Variants in LIFR observed in about 807,000 individuals in gnomAD.
LIFR encodes LIF receptor subunit alpha, also known as leukemia inhibitory factor receptor.
Under a neutral mutation model 122.2 loss-of-function variants are expected in LIFR, and 84 were observed. That is an observed-to-expected ratio of 0.69 (90% CI 0.58 to 0.82). The LOEUF is 0.82. Ranked by LOEUF, LIFR falls within the 40% of genes least tolerant of loss-of-function variation. The probability of loss-of-function intolerance (pLI) is 0.00; values close to 1 mark genes in which losing one functional copy is unlikely to be tolerated. For synonymous variants in LIFR, 422 were observed against 434.7 expected (o/e 0.97, Z 0.36); for missense variants, 1,294 against 1,311.6 (o/e 0.99, Z 0.21).
chr5:38,505,938 G>A lies in LIFR; in HGVS notation c.1258C>T (p.Gln420Ter), dbSNP rs1745450977. ...LNAHNPLGRS[Q>*]STILVNITEK... is the part of the protein sequence containing the mutation. ...GTTATATTAACTAAAATTGTTGATT[G>A]TGATCGACCCAGCGGATTGTGAGCA... The change falls in exon 9 of 20, where the codon CAA becomes TAA. Residue 420 changes from glutamine (Q) to a stop codon, truncating the protein, a stop_gained. Transcript: ENST00000453190. LOFTEE classifies it high-confidence loss of function. 1.9e-6 allele frequency: 3 copies of A among 1,609,208 alleles called. No individual in the cohort carries two copies. The highest frequency in any genetic ancestry group is 2.2e-5 in the South Asian group (2 of 90,084).
At chr5:38,485,294 T>C (rs887946764) in intron 17 of LIFR, among the ~76,000 whole-genome samples, 1 of 152,222 alleles carries the variant, frequency 6.6e-6, no homozygotes, top group South Asian at 2.1e-4. Flanking sequence ...CACTGCTTTA[T>C]AGAACCATAT....
intron 1 of LIFR, among the ~76,000 whole-genome samples, chr5:38,564,875 G>T (rs548138704): frequency 6.6e-6 from 1 of 151,940 alleles, no homozygotes; most frequent in African/African-American, 2.4e-5. Context: ...CTAGGTTCAA[G>T]TGATTCTCCT....
chr5:38,590,522 T>C (rs1749889915), intron 1 of LIFR, among the ~76,000 whole-genome samples: 2 of 152,238 alleles, frequency 1.3e-5, no homozygotes, highest in Non-Finnish European at 2.9e-5. Flanking sequence ...GGACCACCTA[T>C]GACTGATAAT....
At chr5:38,486,401 G>A (rs2112379898) in intron 16 of LIFR, among the ~76,000 whole-genome samples, 1 of 152,168 alleles carries the variant, frequency 6.6e-6, no homozygotes, top group East Asian at 1.9e-4. Flanking sequence ...AAGCAAACCT[G>A]CAGATCAATA....
At chr5:38,564,075 A>G (rs33930730) in intron 1 of LIFR, among the ~76,000 whole-genome samples, 50,076 of 151,948 alleles carry the variant, frequency 0.33, 8,362 homozygotes, top group East Asian at 0.42. Context: ...GTAGGGTTGA[A>G]TCTAACTCTT....
chr5:38,598,775 A>C (rs914649777), upstream of LIFR, among the ~76,000 whole-genome samples: 1 of 152,156 alleles, frequency 6.6e-6, no homozygotes, highest in African/African-American at 2.4e-5. Context: ...TCTTACTCCT[A>C]TTGTAGCATT....
intron 1 of LIFR, among the ~76,000 whole-genome samples, chr5:38,547,797 G>A (rs1318854754): frequency 1.3e-5 from 2 of 152,070 alleles, no homozygotes; most frequent in Admixed American, 6.6e-5. Context: ...AAACCTACAT[G>A]GTATAGTCTA....
intron 5 of LIFR, among the ~76,000 whole-genome samples, chr5:38,518,643 TTGATAA>T (rs1580095724): frequency 6.6e-6 from 1 of 152,242 alleles, no homozygotes; most frequent in African/African-American, 2.4e-5. Context: ...TACATAATAC[TTGATAA>T]TGATAATAAA....
In LIFR at chr5:38,480,164, G is replaced by A. The variant is rs1424917685; in HGVS notation, c.*1431C>T. On this transcript the variant is annotated 3_prime_UTR_variant, in exon 20 of 20. Coordinates refer to ENST00000453190, the MANE Select transcript of LIFR (RefSeq NM_001127671.2). ...CAAACAAAAAAGACATATCTTATTC[G>A]GACACTTAAAATTTTCAAGTACTTT... is the stretch of plus-strand genomic sequence containing the variant. The A allele has an allele frequency of 5.3e-5, 12 of 228,150 alleles. No individual in the cohort carries two copies. The highest frequency in any genetic ancestry group is 6.3e-5 in the East Asian group (1 of 15,778). 14.1% of individuals were successfully genotyped at this position (228,150 alleles called of 1,614,324 possible).
In LIFR at chr5:38,504,135, T is replaced by A; in HGVS notation, c.1292-14A>T. ...TATGGGGATAAACTGCAAATATAAT[T>A]TTTAAAGATTAAACACTTATTTAAA... On this transcript the variant is annotated splice_polypyrimidine_tract_variant and intron_variant, in intron 9 of 19. Coordinates refer to ENST00000453190, the MANE Select transcript of LIFR (RefSeq NM_001127671.2). 1 of 1,473,284 alleles carries A rather than the reference T, an allele frequency of 6.8e-7. No homozygotes were observed. The highest frequency in any genetic ancestry group is 2.3e-5 in the East Asian group (1 of 44,076). The allele number at this position is 1,473,284 out of a possible 1,614,324, so 91.3% of individuals were successfully genotyped here. A position where few individuals can be genotyped will look rare whatever the true frequency, so the allele number is the denominator to read the frequency against.
At chr5:38,543,411 A>T (rs1292986679) in intron 1 of LIFR, among the ~76,000 whole-genome samples, 2 of 152,230 alleles carry the variant, frequency 1.3e-5, no homozygotes, top group African/African-American at 4.8e-5. Flanking sequence ...TAGACTTGCA[A>T]TTATGACTCT....
intron 14 of LIFR, among the ~76,000 whole-genome samples, chr5:38,491,662 T>A (rs950285068): frequency 7.2e-5 from 11 of 152,226 alleles, no homozygotes; most frequent in African/African-American, 2.7e-4. Context: ...CAGGCTCCAA[T>A]TTGAGACAGT....
intron 1 of LIFR, among the ~76,000 whole-genome samples, chr5:38,542,723 G>A (rs1247008734): frequency 3.9e-5 from 6 of 152,000 alleles, no homozygotes; most frequent in Admixed American, 3.9e-4. Context: ...AACATGTCAG[G>A]CTCTGTGGTG....
chr5:38,506,494 TATC>T lies in LIFR; in HGVS notation c.1121+6_1121+8del, dbSNP rs1303550115. The T allele has an allele frequency of 1.2e-6, 2 of 1,613,956 alleles. No individual in the cohort carries two copies. Among genetic ancestry groups the T allele is most frequent in the Admixed American group, 1.7e-5 (1 of 60,006 alleles). ...TTGCCATCTGACATCTTTTCCCAGTTATCATTACCTTTCAACTAAAGTGTAGCT... is the reference window on the plus strand; with the variant it reads ...TTGCCATCTGACATCTTTTCCCAGTTATTACCTTTCAACTAAAGTGTAGCT... On this transcript the variant is annotated splice_donor_region_variant and intron_variant, in intron 8 of 19. Coordinates refer to ENST00000453190, the MANE Select transcript of LIFR (RefSeq NM_001127671.2).
At chr5:38,583,477 C>T (rs1239792831) in intron 1 of LIFR, among the ~76,000 whole-genome samples, 1 of 152,064 alleles carries the variant, frequency 6.6e-6, no homozygotes, top group African/African-American at 2.4e-5. Flanking sequence ...TATAAAGCTT[C>T]TGCACTGCAA....
At chr5:38,602,724 T>C (rs1371845829) in intron 2 of LIFR, among the ~76,000 whole-genome samples, 1 of 152,182 alleles carries the variant, frequency 6.6e-6, no homozygotes, top group Non-Finnish European at 1.5e-5. Flanking sequence ...TTACAGGTAG[T>C]TAGACAGGCA....
rs1451472150 is a variant in LIFR, at chr5:38,478,795, T to C, written c.*2800A>G. Reference sequence around the variant, plus strand: ...CCACAGATATGATGGAACATAATGCTAGTTTGACAATTAGATTTTTCTAAC... The same window carrying C: ...CCACAGATATGATGGAACATAATGCCAGTTTGACAATTAGATTTTTCTAAC... On this transcript the variant is annotated 3_prime_UTR_variant, in exon 20 of 20. Coordinates refer to ENST00000453190, the MANE Select transcript of LIFR (RefSeq NM_001127671.2). 1 of 219,526 alleles carries C rather than the reference T, an allele frequency of 4.6e-6. No individual in the cohort carries two copies. The highest frequency in any genetic ancestry group is 9.2e-6 in the Non-Finnish European group (1 of 109,178). The allele number at this position is 219,526 out of a possible 1,614,324, so 13.6% of individuals were successfully genotyped here.
intron 1 of LIFR, among the ~76,000 whole-genome samples, chr5:38,538,902 T>C (rs941682990): frequency 2.0e-5 from 3 of 152,138 alleles, no homozygotes; most frequent in African/African-American, 4.8e-5. Flanking sequence ...TTCACACGTC[T>C]ATTCCGCAAT....
chr5:38,483,964 C>T (rs907665149), intron 18 of LIFR, among the ~76,000 whole-genome samples: 14 of 152,124 alleles, frequency 9.2e-5, no homozygotes, highest in Admixed American at 5.2e-4. Context: ...ATGCACATGG[C>T]CCTCTCTCCC....
Sources: allele counts gnomAD v4.1 joint callset (sites outside exome capture counted in the v4.1 genomes callset), GRCh38; gene constraint gnomAD v4.1.1; transcripts MANE v1.5; gene names NCBI Gene and HGNC (gene_info 2026-07-23, HGNC 2026-07-21).